The following ELOVL6 variants were observed in gnomAD, a reference collection of about 807,000 sequenced individuals.
ELOVL6 encodes the protein very long chain fatty acid elongase 6.
In ELOVL6, 8 loss-of-function variants were observed where a neutral mutation model predicts 31.7. That is an observed-to-expected ratio of 0.25 (90% confidence interval 0.15 to 0.45). The LOEUF is 0.45. Ranked by LOEUF, ELOVL6 falls within the 20% of genes least tolerant of loss-of-function variation. The pLI is 1.00. For synonymous variants in ELOVL6, 101 were observed against 117.7 expected (o/e 0.86, Z 0.92); for missense variants, 126 against 326.4 (o/e 0.39, Z 4.73).
intron 2 of ELOVL6, among the ~76,000 whole-genome samples, chr4:110,078,618 C>A (rs1203739077): frequency 1.3e-5 from 2 of 152,180 alleles, no homozygotes; most frequent in Non-Finnish European, 2.9e-5. Context: ...ACAACCAGTA[C>A]CAGCCACTGC....
At chr4:110,072,629 T>C (rs898833725) in intron 2 of ELOVL6, among the ~76,000 whole-genome samples, 1 of 152,024 alleles carries the variant, frequency 6.6e-6, no homozygotes, top group Non-Finnish European at 1.5e-5. Context: ...TGGCAGTGAC[T>C]ATGTTGCCGA....
chr4:110,084,478 A>G (rs1439905716), intron 2 of ELOVL6, among the ~76,000 whole-genome samples: 1 of 23,962 alleles, frequency 4.2e-5, no homozygotes, highest in Admixed American at 4.9e-4. Context: ...ATAACAATAT[A>G]CACTATAATG....
At chr4:110,052,760 C>T (rs1341855600) in intron 3 of ELOVL6, among the ~76,000 whole-genome samples, 3 of 152,004 alleles carry the variant, frequency 2.0e-5, no homozygotes, top group Non-Finnish European at 4.4e-5. Context: ...ATTACATTAG[C>T]GAGTAAGAAA....
In ELOVL6 at chr4:110,049,542, CCT is replaced by C. The variant is rs200193952; in HGVS notation, c.*1794_*1795del. 4.6e-3 allele frequency: 704 copies of C among 152,416 alleles called. 6 individuals are homozygous for C. The highest frequency in any genetic ancestry group is 0.028 in the Admixed American group (419 of 15,234). 9.4% of individuals were successfully genotyped at this position (152,416 alleles called of 1,614,324 possible). ...AATATAAAAATAATTCGAAAAAATCCCTTTTACTGTACACTCTCAAAGCAAGA... is the reference window on the plus strand; with the variant it reads ...AATATAAAAATAATTCGAAAAAATCCTTTACTGTACACTCTCAAAGCAAGA... On this transcript the variant is annotated 3_prime_UTR_variant, in exon 4 of 4. Coordinates refer to ENST00000302274, the MANE Select transcript of ELOVL6 (RefSeq NM_024090.3).
chr4:110,151,038 G>A (rs904504494), intron 1 of ELOVL6, among the ~76,000 whole-genome samples: 2 of 147,180 alleles, frequency 1.4e-5, no homozygotes, highest in African/African-American at 2.5e-5. Context: ...GGAAGACTCC[G>A]TCTGAAAAAA....
intron 2 of ELOVL6, among the ~76,000 whole-genome samples, chr4:110,084,582 ATATATATTTT>A (rs1446239145): frequency 7.3e-4 from 40 of 54,462 alleles, no homozygotes; most frequent in African/African-American, 4.8e-3. Context: ...ATATATATAT[ATATATATTTT>A]TTTTTTTTTT....
rs1754697611 is a variant in ELOVL6, at chr4:110,046,347, G to C, written c.*4991C>G. ...GAAGAGGTTACTACAATGCAGTGTT[G>C]GTTTGGACGTCTAGTGAAATATATT... On this transcript the variant is annotated 3_prime_UTR_variant, in exon 4 of 4. Coordinates refer to ENST00000302274, the MANE Select transcript of ELOVL6 (RefSeq NM_024090.3). 6.6e-6 allele frequency: 1 copy of C among 152,160 alleles called. No homozygotes were observed. Among genetic ancestry groups the C allele is most frequent in the Non-Finnish European group, 1.5e-5 (1 of 68,040 alleles). 9.4% of individuals were successfully genotyped at this position (152,160 alleles called of 1,614,324 possible).
In ELOVL6 at chr4:110,050,903, T is replaced by C. The variant is rs535112755; in HGVS notation, c.*435A>G. On this transcript the variant is annotated 3_prime_UTR_variant, in exon 4 of 4. Coordinates refer to ENST00000302274, the MANE Select transcript of ELOVL6 (RefSeq NM_024090.3). ...TCTATTGGCTCCAGTTTAGTGTCCA[T>C]AAAGTTAGAAAGGATTGTGTGTGTT... The C allele has an allele frequency of 5.1e-4, 87 of 168,974 alleles. No homozygotes were observed. Among genetic ancestry groups the C allele is most frequent in the African/African-American group, 2.0e-3 (82 of 41,732 alleles). 10.5% of individuals were successfully genotyped at this position (168,974 alleles called of 1,614,324 possible). A position where few individuals can be genotyped will look rare whatever the true frequency, so the allele number is the denominator to read the frequency against.
chr4:110,154,436 G>A (rs1758360349), intron 1 of ELOVL6, among the ~76,000 whole-genome samples: 1 of 151,996 alleles, frequency 6.6e-6, no homozygotes, highest in Non-Finnish European at 1.5e-5. Context: ...TGTATTTTTA[G>A]TAGAGGCAGG....
chr4:110,056,429 C>CA (rs1212623322), intron 3 of ELOVL6, among the ~76,000 whole-genome samples: 2 of 151,998 alleles, frequency 1.3e-5, no homozygotes, highest in Non-Finnish European at 2.9e-5. Context: ...GTCTTGGAGA[C>CA]ACTTGCACTG....
intron 1 of ELOVL6, among the ~76,000 whole-genome samples, chr4:110,159,891 C>T (rs1322618913): frequency 6.6e-6 from 1 of 152,100 alleles, no homozygotes; most frequent in Non-Finnish European, 1.5e-5. Context: ...TATATTTAGG[C>T]ATTTTTTCAC....
rs185462897 is a variant in ELOVL6 at position 110,170,585 on chromosome 4, A to G, written c.89+27662T>C. Among the ~76,000 whole-genome samples the G allele has an allele frequency of 1.7e-4, 26 of 152,302 alleles. No homozygotes were observed. In the East Asian group the frequency reaches 5.0e-3, roughly 29 times the overall value. ...TAAACAAATGTCCTTTTTGCAGTGTACTTGGTCCTACCTTTCTTACATTTT... is the reference window on the plus strand; with the variant it reads ...TAAACAAATGTCCTTTTTGCAGTGTGCTTGGTCCTACCTTTCTTACATTTT... On this transcript the variant is annotated intron_variant, in intron 1 of 3. Transcript: ENST00000302274.
intron 1 of ELOVL6, among the ~76,000 whole-genome samples, chr4:110,196,767 G>C (rs369420878): frequency 2.0e-5 from 3 of 151,962 alleles, no homozygotes; most frequent in African/African-American, 7.2e-5. Flanking sequence ...CCCCAAGCAG[G>C]CCTGCCCCGC....
At chr4:110,120,798 C>CTAT in intron 1 of ELOVL6, among the ~76,000 whole-genome samples, 1 of 117,862 alleles carries the variant, frequency 8.5e-6, no homozygotes, top group African/African-American at 3.0e-5. Context: ...TTTTTCTTTT[C>CTAT]TTTTTTTTTT....
intron 2 of ELOVL6, among the ~76,000 whole-genome samples, chr4:110,089,186 T>A (rs762338080): frequency 5.3e-5 from 8 of 152,176 alleles, no homozygotes; most frequent in Non-Finnish European, 1.0e-4. Context: ...TAGGCAAAAT[T>A]AATAATGAAA....
At chr4:110,121,157 A>G (rs1757347687) in intron 1 of ELOVL6, among the ~76,000 whole-genome samples, 1 of 152,212 alleles carries the variant, frequency 6.6e-6, no homozygotes, top group Non-Finnish European at 1.5e-5. Context: ...GGAAATGCGT[A>G]AGGCAGGGAA....
At chr4:110,140,490 G>A (rs1321053651) in intron 1 of ELOVL6, among the ~76,000 whole-genome samples, 3 of 151,976 alleles carry the variant, frequency 2.0e-5, no homozygotes, top group African/African-American at 7.2e-5. Context: ...GTGCAGTGGT[G>A]CAATCACAGC....
intron 2 of ELOVL6, among the ~76,000 whole-genome samples, chr4:110,077,968 C>G (rs977596872): frequency 8.5e-5 from 13 of 152,108 alleles, no homozygotes; most frequent in African/African-American, 3.1e-4. Context: ...CCAATTTGAT[C>G]AACTGGAAGA....
intron 2 of ELOVL6, among the ~76,000 whole-genome samples, chr4:110,096,569 G>A (rs1756585540): frequency 6.6e-6 from 1 of 152,126 alleles, no homozygotes. Context: ...AAGGGGGTGG[G>A]TGGGGATCTG....
Sources: allele counts gnomAD v4.1 joint callset (sites outside exome capture counted in the v4.1 genomes callset), GRCh38; gene constraint gnomAD v4.1.1; transcripts MANE v1.5; gene names NCBI Gene and HGNC (gene_info 2026-07-23, HGNC 2026-07-21).